MBD2: variants seen among roughly 807,000 people sequenced by gnomAD.
MBD2 encodes methyl-CpG-binding domain protein 2.
Under a neutral mutation model 39.3 loss-of-function variants are expected in MBD2, and 9 were observed. The observed-to-expected ratio is 0.23, with a 90% CI of 0.14 to 0.40. The LOEUF (loss-of-function observed/expected upper bound fraction) is 0.40. MBD2 is among the 10% of genes least tolerant of loss of function. The probability of loss-of-function intolerance (pLI) is 1.00; values close to 1 mark genes in which losing one functional copy is unlikely to be tolerated. For missense variants in MBD2, 458 were observed against 532.6 expected (o/e 0.86, Z 1.38); for synonymous variants, 233 against 211.1 (o/e 1.10, Z -0.90).
chr18:54,186,565 C>T (rs750897624), intron 3 of MBD2, among the ~76,000 whole-genome samples: 2 of 152,154 alleles, frequency 1.3e-5, no homozygotes, highest in Non-Finnish European at 2.9e-5. Flanking sequence ...AAAACATTAA[C>T]ATGAAAATTG....
chr18:54,220,867 TACTG>T (rs1470818192), intron 1 of MBD2, among the ~76,000 whole-genome samples: 1 of 152,224 alleles, frequency 6.6e-6, no homozygotes, highest in Non-Finnish European at 1.5e-5. Flanking sequence ...ACATACACCT[TACTG>T]ACTCAGAATG....
At chr18:54,187,587 TG>T in intron 3 of MBD2, 1 of 574,554 alleles carries the variant, frequency 1.7e-6, no homozygotes, top group Non-Finnish European at 2.2e-6. Context: ...TCACTGGGTG[TG>T]GTAGTAAAAC....
intron 2 of MBD2, among the ~76,000 whole-genome samples, chr18:54,193,902 G>A (rs970872914): frequency 1.3e-5 from 2 of 152,102 alleles, no homozygotes; most frequent in African/African-American, 4.8e-5. Context: ...GATTTCAAAT[G>A]CTCTTTCTTT....
chr18:54,207,900 T>C (rs1035075130), intron 1 of MBD2, among the ~76,000 whole-genome samples: 2 of 151,952 alleles, frequency 1.3e-5, no homozygotes, highest in African/African-American at 4.8e-5. Flanking sequence ...TAGCCGGGCG[T>C]GGTGGCGGGC....
chr18:54,200,891 A>T lies in MBD2; in HGVS notation c.702+4107T>A, dbSNP rs561948997. On this transcript the variant is annotated intron_variant, in intron 2 of 6. Coordinates refer to ENST00000256429, the MANE Select transcript of MBD2 (RefSeq NM_003927.5). ...TCAGGAGATCGAGACCATCCTGGCT[A>T]ATGCTGTGAAACCCCATCTCTACTA... 2.6e-4 allele frequency among the ~76,000 whole-genome samples: 40 copies of T among 152,178 alleles called. 1 individual carries two copies. The South Asian group carries it at 8.1e-3, about 31-fold the overall frequency.
Position 54,224,498 on chromosome 18 carries a change from G to A in MBD2, c.62C>T (p.Ala21Val). 2 of 1,229,364 alleles carry A rather than the reference G, an allele frequency of 1.6e-6. No individual in the cohort carries two copies. The highest frequency in any genetic ancestry group is 2.0e-6 in the Non-Finnish European group (2 of 987,362). 76.2% of individuals were successfully genotyped at this position (1,229,364 alleles called of 1,614,324 possible). Residue 21 changes from alanine to valine, a missense_variant, in exon 1 of 7, where the codon GCG becomes GTG. Ala to Val is a moderately conservative substitution (Grantham distance 64). Coordinates refer to ENST00000256429, the MANE Select transcript of MBD2 (RefSeq NM_003927.5). ...GTCGCCGCCAGCGCCGCTGCCGCCC[G>A]CCGCACTCTCCCCCTCCTCCTGCTC... ...CPEQEEGESA[A>V]GGSGAGGDSA...
intron 5 of MBD2, among the ~76,000 whole-genome samples, chr18:54,162,133 G>A (rs766565177): frequency 1.3e-5 from 2 of 152,234 alleles, no homozygotes; most frequent in South Asian, 2.1e-4. Context: ...AACACAGTCC[G>A]GTGACACTTT....
rs1041819121 is a variant in MBD2 at position 54,159,661 on chromosome 18, G to A, written c.*12+104C>T. ...CTCGAACTACTGAGCTCAACTGATC[G>A]CCCGCCTCAGCCACCCAAGTGCTGG... is the stretch of plus-strand genomic sequence containing the variant. On this transcript the variant is annotated intron_variant, in intron 6 of 6. Coordinates refer to ENST00000256429, the MANE Select transcript of MBD2 (RefSeq NM_003927.5). 3.5e-5 allele frequency: 45 copies of A among 1,286,938 alleles called. No homozygotes were observed. The Middle Eastern group carries it at 1.0e-3, about 30-fold the overall frequency. 79.7% of individuals were successfully genotyped at this position (1,286,938 alleles called of 1,614,324 possible). A position where few individuals can be genotyped will look rare whatever the true frequency, so the allele number is the denominator to read the frequency against.
chr18:54,186,027 C>T (rs1045507868), intron 3 of MBD2, among the ~76,000 whole-genome samples: 5 of 151,904 alleles, frequency 3.3e-5, no homozygotes, highest in African/African-American at 1.2e-4. Context: ...ATGACCTGGG[C>T]ATAGGATGTT....
In MBD2 at chr18:54,224,528, C is replaced by A. The variant is rs2086646682; in HGVS notation, c.32G>T (p.Cys11Phe). 3 of 1,232,082 alleles carry A rather than the reference C, an allele frequency of 2.4e-6. No homozygotes were observed. The highest frequency in any genetic ancestry group is 4.2e-5 in the Admixed American group (1 of 23,944). 76.3% of individuals were successfully genotyped at this position (1,232,082 alleles called of 1,614,324 possible). The change falls in exon 1 of 7, where the codon TGC becomes TTC. Residue 11 changes from cysteine (C) to phenylalanine (F), a missense_variant. This residue lies in a region of MBD2 where 269 missense variants were observed against 236.0 expected (regional missense o/e 1.14). Transcript: ENST00000256429. ...ACTCTCCCCCTCCTCCTGCTCCGGG[C>A]AGCAGCGGCCTCCCCCCGGGTGCGC... MRAHPGGGRC[C>F]PEQEEGESAA... is the part of the protein sequence containing the mutation.
chr18:54,155,654 T>TA (rs2086047098), intron 6 of MBD2, among the ~76,000 whole-genome samples: 1 of 152,188 alleles, frequency 6.6e-6, no homozygotes, highest in Non-Finnish European at 1.5e-5. Flanking sequence ...GCAGAACAGA[T>TA]ACAGACCAAT....
rs2086026750 is a variant in MBD2 at position 54,152,303 on chromosome 18, C to T, written c.*3021G>A. ...CAACAGGTACAAAGACACAGAGGCC[C>T]AAGGGGCACTTCAAAGAAGCAAGTA... is the stretch of plus-strand genomic sequence containing the variant. On this transcript the variant is annotated 3_prime_UTR_variant, in exon 7 of 7. Coordinates refer to ENST00000256429, the MANE Select transcript of MBD2 (RefSeq NM_003927.5). 1 of 152,212 alleles carries T rather than the reference C, an allele frequency of 6.6e-6. No homozygotes were observed. Among genetic ancestry groups the T allele is most frequent in the African/African-American group, 2.4e-5 (1 of 41,418 alleles). The allele number at this position is 152,212 out of a possible 1,614,324, so 9.4% of individuals were successfully genotyped here.
chr18:54,210,735 T>C lies in MBD2; in HGVS notation c.543-5578A>G, dbSNP rs569054851. Among the ~76,000 whole-genome samples, 3 of 152,300 alleles carry C rather than the reference T, an allele frequency of 2.0e-5. No homozygotes were observed. The South Asian group carries it at 6.2e-4, about 32-fold the overall frequency. Reference sequence around the variant, plus strand: ...TGGCTAGCTAGATAGCTAAACAGCATGTTCAGAGGCACATCACTTCCCATC... The same window carrying C: ...TGGCTAGCTAGATAGCTAAACAGCACGTTCAGAGGCACATCACTTCCCATC... On this transcript the variant is annotated intron_variant, in intron 1 of 6. Transcript: ENST00000256429.
At chr18:54,192,860 A>G (rs1456906977) in intron 2 of MBD2, among the ~76,000 whole-genome samples, 1 of 152,232 alleles carries the variant, frequency 6.6e-6, no homozygotes, top group East Asian at 1.9e-4. Flanking sequence ...AAAATATTTA[A>G]GATATACAAC....
rs1039205214 is a variant in MBD2, at chr18:54,153,455, A to G, written c.*1869T>C. ...TGTTCTCCACCTGAGCAAAGTATAT[A>G]AGCAAAAAAAAAAAAATCAGTTTTA... On this transcript the variant is annotated 3_prime_UTR_variant, in exon 7 of 7. Transcript: ENST00000256429. The G allele has an allele frequency of 1.3e-5, 2 of 152,010 alleles. No homozygotes were observed. Among genetic ancestry groups the G allele is most frequent in the Non-Finnish European group, 2.9e-5 (2 of 68,004 alleles). The allele number at this position is 152,010 out of a possible 1,614,324, so 9.4% of individuals were successfully genotyped here.
intron 2 of MBD2, among the ~76,000 whole-genome samples, chr18:54,195,343 GTTACC>G: frequency 6.6e-6 from 1 of 152,030 alleles, no homozygotes; most frequent in South Asian, 2.1e-4. Context: ...AATTTTGCAC[GTTACC>G]TTAAACATTA....
At position 54,174,706 on chromosome 18, in the gene MBD2, TAG is replaced by T. The variant is rs138489289; in HGVS notation, c.841-8542_841-8541del. Among the ~76,000 whole-genome samples, 256 of 152,368 alleles carry T rather than the reference TAG, an allele frequency of 1.7e-3. 1 individual carries two copies. Among genetic ancestry groups the T allele is most frequent in the Non-Finnish European group, 2.8e-3 (191 of 68,030 alleles). ...TATTTTATGGGTCGGTCTGGGACACTAGAGCCATTTATAATATCATTTCTATT... is the reference window on the plus strand; with the variant it reads ...TATTTTATGGGTCGGTCTGGGACACTAGCCATTTATAATATCATTTCTATT... On this transcript the variant is annotated intron_variant, in intron 3 of 6. Coordinates refer to ENST00000256429, the MANE Select transcript of MBD2 (RefSeq NM_003927.5).
intron 2 of MBD2, among the ~76,000 whole-genome samples, chr18:54,200,524 CCAATT>C (rs2086397778): frequency 6.6e-6 from 1 of 152,278 alleles, no homozygotes; most frequent in Admixed American, 6.5e-5. Flanking sequence ...TAGAGTGTCT[CCAATT>C]CAATTTTAGT....
intron 2 of MBD2, among the ~76,000 whole-genome samples, chr18:54,199,200 T>C (rs2086388053): frequency 6.6e-6 from 1 of 152,198 alleles, no homozygotes; most frequent in Admixed American, 6.5e-5. Flanking sequence ...TCCCAGAAAC[T>C]TTCTGGAATT....
Sources: gnomAD v4.1 joint callset for allele counts (sites outside exome capture counted in the v4.1 genomes callset) on GRCh38, gnomAD v4.1.1 for gene constraint, gnomAD v4.1.1 regional missense constraint, MANE v1.5 for transcripts, NCBI Gene and HGNC (gene_info 2026-07-23, HGNC 2026-07-21) for gene names.